The following SMIM13 variants were observed in gnomAD, a reference collection of about 807,000 sequenced individuals.
SMIM13 encodes small integral membrane protein 13.
Under a neutral mutation model 5.9 loss-of-function variants are expected in SMIM13, and 3 were observed. The observed-to-expected ratio is 0.51, with a 90% confidence interval of 0.23 to 1.31. The LOEUF (loss-of-function observed/expected upper bound fraction) is 1.31. Among genes scored for constraint, SMIM13 ranks in the 40% most tolerant of loss-of-function variants. The pLI is 0.18. For missense variants in SMIM13, 85 were observed against 109.9 expected, an observed-to-expected ratio of 0.77 and a Z score of 1.01; for synonymous variants, 55 against 46.0, an observed-to-expected ratio of 1.19 and a Z score of -0.79.
chr6:11,105,849 G>A (rs1203327096), intron 1 of SMIM13, among the ~76,000 whole-genome samples: 1 of 152,138 alleles, frequency 6.6e-6, no homozygotes, highest in Non-Finnish European at 1.5e-5. Flanking sequence ...GGTGATTTTA[G>A]CAGTTTCTTC....
rs189878738 is a variant in SMIM13 at position 11,135,867 on chromosome 6, T to A, written c.*1265T>A. 2.6e-4 allele frequency: 39 copies of A among 152,354 alleles called. 1 individual carries two copies. Among genetic ancestry groups the A allele is most frequent in the Admixed American group, 2.5e-3 (38 of 15,296 alleles). The allele number at this position is 152,354 out of a possible 1,614,324, so 9.4% of individuals were successfully genotyped here. ...CAGTGTTTTTTCTTAGTGATACATA[T>A]GGTGCATCTTAACAATTGGTAGTGT... is the stretch of plus-strand genomic sequence containing the variant. On this transcript the variant is annotated 3_prime_UTR_variant, in exon 2 of 2. Transcript: ENST00000416247.
In SMIM13 at chr6:11,138,350, CAATT is replaced by C. The variant is rs1367870398; in HGVS notation, c.*3751_*3754del. On this transcript the variant is annotated 3_prime_UTR_variant, in exon 2 of 2. Coordinates refer to ENST00000416247, the MANE Select transcript of SMIM13 (RefSeq NM_001135575.2). ...TAAAGAGTAACATTTTATCTTATGT[CAATT>C]AAAGTTACATTTTTCATTTGTTGGT... 8 of 152,114 alleles carry C rather than the reference CAATT, an allele frequency of 5.3e-5. No individual in the cohort carries two copies. The highest frequency in any genetic ancestry group is 1.9e-4 in the African/African-American group (8 of 41,434). The allele number at this position is 152,114 out of a possible 1,614,324, so 9.4% of individuals were successfully genotyped here. A position where few individuals can be genotyped will look rare whatever the true frequency, so the allele number is the denominator to read the frequency against.
At chr6:11,132,182 C>T (rs888817234) in intron 1 of SMIM13, among the ~76,000 whole-genome samples, 19 of 152,226 alleles carry the variant, frequency 1.2e-4, no homozygotes, top group African/African-American at 4.6e-4. Flanking sequence ...TGTTTAACAT[C>T]ATTAGTCATG....
intron 1 of SMIM13, among the ~76,000 whole-genome samples, chr6:11,107,713 G>A (rs1471887375): frequency 6.6e-6 from 1 of 152,196 alleles, no homozygotes; most frequent in Non-Finnish European, 1.5e-5. Flanking sequence ...GGTGTATTGG[G>A]ACTACTGCCT....
Position 11,134,579 on chromosome 6 carries a change from G to A in SMIM13, c.253G>A (p.Glu85Lys). Reference protein sequence around the residue: ...SARQRRAPADEGHRPLT With the variant: ...SARQRRAPADKGHRPLT ...TCGCCAAAGGAGGGCACCTGCTGAT[G>A]AAGGCCACAGACCCCTGACATAGTC... The change falls in exon 2 of 2, where the codon GAA (glutamate) becomes AAA (lysine). Residue 85 changes from glutamate to lysine, a missense_variant. Coordinates refer to ENST00000416247, the MANE Select transcript of SMIM13 (RefSeq NM_001135575.2). The A allele has an allele frequency of 6.5e-7, 1 of 1,548,530 alleles. No homozygotes were observed. The highest frequency in any genetic ancestry group is 8.7e-7 in the Non-Finnish European group (1 of 1,145,446).
chr6:11,131,965 T>C (rs1758455581), intron 1 of SMIM13, among the ~76,000 whole-genome samples: 1 of 152,148 alleles, frequency 6.6e-6, no homozygotes, highest in Admixed American at 6.6e-5. Flanking sequence ...AAAGGACTTT[T>C]TCAAGACAGT....
intron 1 of SMIM13, among the ~76,000 whole-genome samples, chr6:11,099,634 G>C (rs930261561): frequency 6.6e-6 from 1 of 152,230 alleles, no homozygotes; most frequent in African/African-American, 2.4e-5. Flanking sequence ...CAAATGAATA[G>C]ATGAATGCTG....
intron 1 of SMIM13, among the ~76,000 whole-genome samples, chr6:11,123,848 A>G (rs1022596987): frequency 5.9e-5 from 9 of 152,250 alleles, no homozygotes; most frequent in African/African-American, 2.2e-4. Context: ...TTTGAAATAT[A>G]CAATACATTA....
Position 11,134,672 on chromosome 6 carries a change from A to G in SMIM13, c.*70A>G. On this transcript the variant is annotated 3_prime_UTR_variant, in exon 2 of 2. Transcript: ENST00000416247. The stretch of plus-strand genomic sequence containing the variant: ...TTTTACTGACTTCGCTTTGAAATTT[A>G]CTAATGACTGAAGAACATTTGTATT... 2.7e-6 allele frequency: 3 copies of G among 1,119,204 alleles called. No individual in the cohort carries two copies. Among genetic ancestry groups the G allele is most frequent in the Non-Finnish European group, 3.6e-6 (3 of 834,336 alleles). The allele number at this position is 1,119,204 out of a possible 1,614,324, so 69.3% of individuals were successfully genotyped here.
At chr6:11,095,269 AAT>A (rs1757907820) in intron 1 of SMIM13, among the ~76,000 whole-genome samples, 1 of 152,248 alleles carries the variant, frequency 6.6e-6, no homozygotes, top group African/African-American at 2.4e-5. Context: ...TGTACAAATT[AAT>A]ACTTAGTGAC....
In SMIM13 at chr6:11,138,401, TGG is replaced by T. The variant is rs1758541741; in HGVS notation, c.*3802_*3803del. ...TGGTGTACATGTGCTACCTGTTTTA[TGG>T]GGAATGTTTAACACGATCCTCCAAG... On this transcript the variant is annotated 3_prime_UTR_variant, in exon 2 of 2. Transcript: ENST00000416247. The T allele has an allele frequency of 1.3e-5, 2 of 152,190 alleles. No individual in the cohort carries two copies. Among genetic ancestry groups the T allele is most frequent in the Non-Finnish European group, 2.9e-5 (2 of 68,024 alleles). The allele number at this position is 152,190 out of a possible 1,614,324, so 9.4% of individuals were successfully genotyped here.
At chr6:11,117,930 T>G (rs914732336) in intron 1 of SMIM13, among the ~76,000 whole-genome samples, 2 of 152,146 alleles carry the variant, frequency 1.3e-5, no homozygotes, top group Admixed American at 6.5e-5. Context: ...GAGATGGAGT[T>G]TCACCATGTT....
At chr6:11,107,980 A>T (rs763110300) in intron 1 of SMIM13, among the ~76,000 whole-genome samples, 1 of 152,160 alleles carries the variant, frequency 6.6e-6, no homozygotes, top group Middle Eastern at 3.2e-3. Flanking sequence ...CTCTGGATAA[A>T]TGGGAAGGTC....
chr6:11,134,523 C>T lies in SMIM13; in HGVS notation c.197C>T (p.Thr66Ile), dbSNP rs371996158. 16 of 1,550,950 alleles carry T rather than the reference C, an allele frequency of 1.0e-5. No individual in the cohort carries two copies. The highest frequency in any genetic ancestry group is 1.7e-4 in the Middle Eastern group (1 of 5,964). ...EPSGSETEED[T>I]SSSPHRIRSA... ...TCAGGGTCTGAAACTGAAGAAGACA[C>T]TTCCTCCTCTCCACACAGAATCAGA... Residue 66 changes from threonine to isoleucine, a missense_variant, in exon 2 of 2, where the codon ACT (threonine) becomes ATT (isoleucine). Transcript: ENST00000416247.
chr6:11,096,425 T>A (rs1757924619), intron 1 of SMIM13, among the ~76,000 whole-genome samples: 1 of 152,250 alleles, frequency 6.6e-6, no homozygotes, highest in Non-Finnish European at 1.5e-5. Flanking sequence ...AGCCCTGTGC[T>A]AGGACACCTT....
chr6:11,130,260 A>AC (rs757850664), intron 1 of SMIM13, among the ~76,000 whole-genome samples: 13 of 106,354 alleles, frequency 1.2e-4, no homozygotes, highest in African/African-American at 4.1e-4. Context: ...TTGTAAAAAA[A>AC]AAAAAAAAAC....
At chr6:11,134,373 T>G in intron 1 of SMIM13, 30 bp from the exon 2 acceptor site, 1 of 1,516,052 alleles carries the variant, frequency 6.6e-7, no homozygotes. Context: ...GTGTAATAAC[T>G]TTTCTTAATG....
At position 11,094,353 on chromosome 6, in the gene SMIM13, G is replaced by A; in HGVS notation, c.40G>A (p.Ala14Thr). The A allele has an allele frequency of 6.5e-7, 1 of 1,536,962 alleles. No homozygotes were observed. Reference protein sequence around the residue: ...SVGLTLLVFVATLLIVLLLMV... With the variant: ...SVGLTLLVFVTTLLIVLLLMV... Reference sequence around the variant, plus strand: ...CGGGCTGACTCTGCTTGTGTTCGTGGCCACGCTGCTGATCGTCCTGCTGCT... The same window carrying A: ...CGGGCTGACTCTGCTTGTGTTCGTGACCACGCTGCTGATCGTCCTGCTGCT... Residue 14 changes from alanine (A) to threonine (T), a missense_variant, in exon 1 of 2, where the codon GCC becomes ACC. Ala to Thr is a moderately conservative substitution (Grantham distance 58). Coordinates refer to ENST00000416247, the MANE Select transcript of SMIM13 (RefSeq NM_001135575.2).
intron 1 of SMIM13, among the ~76,000 whole-genome samples, chr6:11,119,681 C>G (rs182211303): frequency 4.6e-5 from 7 of 152,118 alleles, no homozygotes; most frequent in African/African-American, 1.4e-4. Context: ...TGGTCCTCAT[C>G]ATCTATAATA....
Sources: gnomAD v4.1 joint callset for allele counts (sites outside exome capture counted in the v4.1 genomes callset) on GRCh38, gnomAD v4.1.1 for gene constraint, MANE v1.5 for transcripts, NCBI Gene and HGNC (gene_info 2026-07-23, HGNC 2026-07-21) for gene names.